Variants in ATP11C observed in about 807,000 individuals in gnomAD.
The protein encoded by ATP11C is phospholipid-transporting ATPase IG.
A neutral mutation model predicts 97.4 loss-of-function variants in ATP11C; 36 were observed. The ratio of observed to expected loss-of-function variants is 0.37; its 90% CI spans 0.28 to 0.49. The LOEUF is 0.49. Ranked by LOEUF, ATP11C falls within the 20% of genes least tolerant of loss-of-function variation. The pLI is 0.98. For missense variants in ATP11C, 730 were observed against 824.6 expected (o/e 0.89, Z 1.40); for synonymous variants, 275 against 290.9 (o/e 0.95, Z 0.56).
intron 26 of ATP11C, among the ~76,000 whole-genome samples, chrX:139,741,745 A>C (rs1033205335): frequency 8.9e-6 from 1 of 111,850 alleles, no homozygotes; most frequent in Non-Finnish European, 1.9e-5. Flanking sequence ...TTCTGCCAGG[A>C]CCAATCATGT....
intron 20 of ATP11C, 42 bp from the exon 21 acceptor site, chrX:139,763,460 A>C: frequency 2.9e-6 from 3 of 1,030,616 alleles, no homozygotes; most frequent in Non-Finnish European, 4.1e-6. Context: ...AGGTCAAAGA[A>C]GAATGTAAGA....
At chrX:139,913,613 G>A (rs1043710249) in intron 1 of ATP11C, among the ~76,000 whole-genome samples, 10 of 111,024 alleles carry the variant, frequency 9.0e-5, no homozygotes, top group Non-Finnish European at 1.5e-4. Context: ...GCTCATCCTG[G>A]CTCAAAAGCT....
intron 1 of ATP11C, among the ~76,000 whole-genome samples, chrX:139,868,311 A>G (rs997645256): frequency 1.8e-5 from 2 of 111,813 alleles, no homozygotes; most frequent in Admixed American, 9.5e-5. Context: ...CGAAACTAAA[A>G]AGCTTCTGCA....
intron 7 of ATP11C, among the ~76,000 whole-genome samples, chrX:139,800,938 A>T (rs1361260106): frequency 8.9e-6 from 1 of 112,207 alleles, no homozygotes; most frequent in East Asian, 2.8e-4. Context: ...GTGCTATACT[A>T]AGTGCTGAAG....
chrX:139,796,334 T>C lies in ATP11C; in HGVS notation c.1145A>G (p.Asp382Gly). 1 of 1,207,330 alleles carries C rather than the reference T, an allele frequency of 8.3e-7. No homozygotes were observed. Among genetic ancestry groups the C allele is most frequent in the Non-Finnish European group, 1.1e-6 (1 of 892,979 alleles). Residue 382 changes from aspartate (D) to glycine (G), a missense_variant, in exon 12 of 30, where the codon GAT (aspartate) becomes GGT (glycine). Coordinates refer to ENST00000682941, the MANE Select transcript of ATP11C (RefSeq NM_001353812.2). ...CAGGGCTCCTTCATTAATTTCTTCA[T>C]CATAAAAGTCCTTATCCCATGAGAT... is the stretch of plus-strand genomic sequence containing the variant. ...FFISWDKDFYDEEINEGALVN... is the reference protein window; with the variant it reads ...FFISWDKDFYGEEINEGALVN...
chrX:139,895,617 A>T (rs2084793494), intron 1 of ATP11C, among the ~76,000 whole-genome samples: 1 of 111,618 alleles, frequency 9.0e-6, no homozygotes, highest in Non-Finnish European at 1.9e-5. Flanking sequence ...AGATGTGTCT[A>T]AACATAGTGA....
intron 1 of ATP11C, among the ~76,000 whole-genome samples, chrX:139,839,982 C>G (rs1388870817): frequency 9.0e-6 from 1 of 111,329 alleles, no homozygotes; most frequent in African/African-American, 3.3e-5. Flanking sequence ...CAGATCTCAA[C>G]AACCATAATT....
At chrX:139,889,862 T>TA (rs1286287925) in intron 1 of ATP11C, among the ~76,000 whole-genome samples, 1 of 112,055 alleles carries the variant, frequency 8.9e-6, no homozygotes, top group African/African-American at 3.2e-5. Context: ...TGGTATTTAT[T>TA]CAAAACAGGC....
chrX:139,776,179 C>T (rs2082345079), intron 18 of ATP11C, among the ~76,000 whole-genome samples: 1 of 112,518 alleles, frequency 8.9e-6, no homozygotes, highest in South Asian at 3.7e-4. Context: ...GTTGATGCAG[C>T]CAGCAGCAGT....
At chrX:139,866,822 C>T (rs1200424898) in intron 1 of ATP11C, among the ~76,000 whole-genome samples, 1 of 111,633 alleles carries the variant, frequency 9.0e-6, no homozygotes, top group East Asian at 2.8e-4. Context: ...GTGGCTCACA[C>T]CTATAAATCC....
chrX:139,832,153 C>T (rs765901721), intron 1 of ATP11C: 2 of 1,208,625 alleles, frequency 1.7e-6, no homozygotes, highest in East Asian at 5.9e-5. Context: ...AGATTACAAA[C>T]CTCAGAGGCT....
intron 1 of ATP11C, among the ~76,000 whole-genome samples, chrX:139,828,322 G>A (rs952490343): frequency 5.3e-5 from 6 of 112,170 alleles, no homozygotes; most frequent in Non-Finnish European, 1.1e-4. Context: ...TTACCAAGTG[G>A]TAGCTTTGAT....
intron 8 of ATP11C, among the ~76,000 whole-genome samples, chrX:139,798,949 C>T (rs991126410): frequency 9.1e-6 from 1 of 110,409 alleles, no homozygotes; most frequent in Admixed American, 9.7e-5. Context: ...AAGCACAGTA[C>T]GGGAGTAGCC....
At chrX:139,750,417 T>C (rs992052662) in intron 23 of ATP11C, among the ~76,000 whole-genome samples, 4 of 111,713 alleles carry the variant, frequency 3.6e-5, no homozygotes, top group Admixed American at 1.9e-4. Flanking sequence ...GCATTTCTAA[T>C]AGACATGAAC....
Position 139,932,228 on chromosome X carries a change from G to T in ATP11C, c.-186C>A. ...CTCCCCCGCCCCCCAGCCGCCCGCA[G>T]CCTAGCCGCCGCCCCGCCTCACTCG... On this transcript the variant is annotated 5_prime_UTR_variant, in exon 1 of 30. It adds an upstream start codon to the 5' untranslated region. Coordinates refer to ENST00000682941, the MANE Select transcript of ATP11C (RefSeq NM_001353812.2). The T allele has an allele frequency of 5.8e-6, 1 of 173,530 alleles. No individual in the cohort carries two copies. Among genetic ancestry groups the T allele is most frequent in the Non-Finnish European group, 9.1e-6 (1 of 109,444 alleles). 14.3% of individuals were successfully genotyped at this position (173,530 alleles called of 1,213,427 possible). A position where few individuals can be genotyped will look rare whatever the true frequency, so the allele number is the denominator to read the frequency against.
At chrX:139,815,058 C>T in intron 4 of ATP11C, 73 bp from the exon 5 acceptor site, 2 of 571,980 alleles carry the variant, frequency 3.5e-6, no homozygotes, top group African/African-American at 2.4e-5. Flanking sequence ...TCTATATCCT[C>T]CCATGAGTCA....
chrX:139,817,504 C>T (rs973998378), intron 3 of ATP11C, among the ~76,000 whole-genome samples: 2 of 112,761 alleles, frequency 1.8e-5, no homozygotes, highest in Admixed American at 9.3e-5. Context: ...CCAGACTGTG[C>T]AGGGCCCTCT....
intron 1 of ATP11C, among the ~76,000 whole-genome samples, chrX:139,887,164 T>C (rs1408917662): frequency 8.9e-6 from 1 of 112,069 alleles, no homozygotes; most frequent in Non-Finnish European, 1.9e-5. Context: ...ATTCAAAAAA[T>C]GAATCTCAAC....
rs774186718 is a variant in ATP11C, at chrX:139,824,123, CA to C, written c.147+2580del. Among the ~76,000 whole-genome samples the C allele has an allele frequency of 3.3e-3, 193 of 59,239 alleles. 2 individuals are homozygous for C. Among genetic ancestry groups the C allele is most frequent in the East Asian group, 5.4e-3 (8 of 1,481 alleles). 51.4% of individuals were successfully genotyped at this position (59,239 alleles called of 115,157 possible). On this transcript the variant is annotated intron_variant, in intron 2 of 29. Transcript: ENST00000682941. Reference sequence around the variant, plus strand: ...GAAACCCCGTCTCTACTAAAAATACCAAAAAAAAAAAAAAAAAAATTAATTA... The same window carrying C: ...GAAACCCCGTCTCTACTAAAAATACCAAAAAAAAAAAAAAAAAATTAATTA...
Sources: gnomAD v4.1 joint callset for allele counts (sites outside exome capture counted in the v4.1 genomes callset) on GRCh38, gnomAD v4.1.1 for gene constraint, MANE v1.5 for transcripts, NCBI Gene and HGNC (gene_info 2026-07-23, HGNC 2026-07-21) for gene names.